PLPPR5: variants seen among roughly 807,000 people sequenced by gnomAD.
PLPPR5 encodes the protein phospholipid phosphatase related 5.
In PLPPR5, 16 loss-of-function variants were observed where a neutral mutation model predicts 33.9. That is an observed-to-expected ratio of 0.47 (90% confidence interval 0.32 to 0.72). The LOEUF is 0.72. Among genes scored for constraint, PLPPR5 ranks in the 30% least tolerant of loss-of-function variants. The pLI, the probability that PLPPR5 is intolerant of heterozygous loss-of-function variation, is 0.03. For synonymous variants in PLPPR5, 163 were observed against 150.3 expected, an observed-to-expected ratio of 1.08 and a Z score of -0.62; for missense variants, 301 against 406.7, an observed-to-expected ratio of 0.74 and a Z score of 2.23.
chr1:98,997,187 G>A (rs1377903635), intron 1 of PLPPR5, among the ~76,000 whole-genome samples: 1 of 152,146 alleles, frequency 6.6e-6, no homozygotes, highest in African/African-American at 2.4e-5. Context: ...CTTAGTGCAT[G>A]TAAACATTTA....
chr1:98,920,593 C>CAAAAAAAAAAAAACAAAAAAAAAAA (rs1649512294), intron 4 of PLPPR5, among the ~76,000 whole-genome samples: 1 of 69,014 alleles, frequency 1.4e-5, no homozygotes, highest in Non-Finnish European at 3.0e-5. Flanking sequence ...GTGGTATCAC[C>CAAAAAAAAAAAAACAAAAAAAAAAA]AAAAAAAAAA....
intron 3 of PLPPR5, among the ~76,000 whole-genome samples, chr1:98,931,586 C>T (rs1051055950): frequency 1.3e-5 from 2 of 151,990 alleles, no homozygotes; most frequent in South Asian, 2.1e-4. Context: ...GGGAGGAAGG[C>T]GGGGCTGGAG....
Position 98,956,702 on chromosome 1 carries a change from C to G in PLPPR5, c.277G>C (p.Ala93Pro). The change falls in exon 2 of 6, where the codon GCC becomes CCC. Residue 93 changes from alanine (A) to proline (P), a missense_variant. By Grantham distance (27) the Ala-to-Pro change is conservative (BLOSUM62 -1). Coordinates refer to ENST00000263177, the MANE Select transcript of PLPPR5 (RefSeq NM_001037317.2). ...TCCTGGTTTTCAAAATCCCTTGTGG[C>G]TAGTTGTAGGCAAAAGACAGCAGTT... ...GETAVFCLQL[A>P]TRDFENQEKT... 6.3e-7 allele frequency: 1 copy of G among 1,593,920 alleles called. No individual in the cohort carries two copies.
chr1:98,948,992 G>A (rs1463860756), intron 3 of PLPPR5, among the ~76,000 whole-genome samples: 4 of 152,104 alleles, frequency 2.6e-5, no homozygotes, highest in East Asian at 1.9e-4. Context: ...GAAGTGACCC[G>A]AGGAGGTCAT....
intron 3 of PLPPR5, among the ~76,000 whole-genome samples, chr1:98,927,676 T>G (rs1040360209): frequency 1.4e-4 from 22 of 152,196 alleles, no homozygotes; most frequent in African/African-American, 4.6e-4. Flanking sequence ...CTTTCTGTTA[T>G]CTCCACAACC....
intron 3 of PLPPR5, among the ~76,000 whole-genome samples, chr1:98,934,749 C>T (rs993344696): frequency 3.3e-5 from 5 of 152,108 alleles, no homozygotes; most frequent in Non-Finnish European, 7.4e-5. Context: ...AAGACTCTTT[C>T]CCTCAAGCAA....
intron 3 of PLPPR5, among the ~76,000 whole-genome samples, chr1:98,945,620 A>G (rs1390852704): frequency 2.0e-5 from 3 of 152,182 alleles, no homozygotes; most frequent in Non-Finnish European, 2.9e-5. Flanking sequence ...CATAGTCTCA[A>G]TTTTGTTACC....
chr1:98,899,818 C>A (rs1570679515), intron 5 of PLPPR5, among the ~76,000 whole-genome samples: 1 of 152,002 alleles, frequency 6.6e-6, no homozygotes, highest in East Asian at 1.9e-4. Flanking sequence ...ACCACCACAC[C>A]CAGCTAATTG....
At chr1:98,925,197 C>T (rs1435102005) in intron 3 of PLPPR5, among the ~76,000 whole-genome samples, 2 of 152,150 alleles carry the variant, frequency 1.3e-5, no homozygotes, top group Non-Finnish European at 2.9e-5. Flanking sequence ...TATTTATGCT[C>T]TCTTGGTTTT....
In PLPPR5 at chr1:98,998,526, G is replaced by C. The variant is rs538967934; in HGVS notation, c.237+5909C>G. Among the ~76,000 whole-genome samples the C allele has an allele frequency of 2.8e-4, 43 of 152,232 alleles. 1 individual carries two copies. The highest frequency in any genetic ancestry group is 5.0e-4 in the Non-Finnish European group (34 of 68,020). The stretch of plus-strand genomic sequence containing the variant: ...GAAATCATCATCTACGATAGAACAC[G>C]AAGTTTTCCATCGAAGCAGGAACAT... On this transcript the variant is annotated intron_variant, in intron 1 of 5. Coordinates refer to ENST00000263177, the MANE Select transcript of PLPPR5 (RefSeq NM_001037317.2).
chr1:98,985,389 G>A (rs1486246519), intron 1 of PLPPR5, among the ~76,000 whole-genome samples: 3 of 152,014 alleles, frequency 2.0e-5, no homozygotes, highest in Non-Finnish European at 4.4e-5. Flanking sequence ...ACAGATGACT[G>A]CGGTTTCAAA....
At chr1:98,914,394 G>A (rs2101152012) in intron 5 of PLPPR5, among the ~76,000 whole-genome samples, 1 of 152,008 alleles carries the variant, frequency 6.6e-6, no homozygotes, top group East Asian at 1.9e-4. Context: ...AAGTGATTCT[G>A]GTGCCTCAGC....
At chr1:98,964,402 T>C (rs556940534) in intron 1 of PLPPR5, among the ~76,000 whole-genome samples, 1 of 152,082 alleles carries the variant, frequency 6.6e-6, no homozygotes, top group Admixed American at 6.6e-5. Context: ...GTGGGAAGGA[T>C]CAACGGGCCT....
At position 98,997,783 on chromosome 1, in the gene PLPPR5, T is replaced by C. The variant is rs563790074; in HGVS notation, c.237+6652A>G. 1.5e-4 allele frequency among the ~76,000 whole-genome samples: 23 copies of C among 152,348 alleles called. No individual in the cohort carries two copies. The South Asian group carries it at 4.6e-3, about 30-fold the overall frequency. ...CATAACCCATGTAACCTGCTCACAT[T>C]ATATTTTCCTTATATGTATGAAGTG... On this transcript the variant is annotated intron_variant, in intron 1 of 5. Coordinates refer to ENST00000263177, the MANE Select transcript of PLPPR5 (RefSeq NM_001037317.2).
intron 1 of PLPPR5, among the ~76,000 whole-genome samples, chr1:98,995,534 A>G (rs1403957095): frequency 6.6e-6 from 1 of 152,126 alleles, no homozygotes; most frequent in Non-Finnish European, 1.5e-5. Flanking sequence ...CCACTCTTGA[A>G]TGAGTAGGGT....
At chr1:98,993,474 A>G (rs934081363) in intron 1 of PLPPR5, among the ~76,000 whole-genome samples, 3 of 152,118 alleles carry the variant, frequency 2.0e-5, no homozygotes, top group African/African-American at 7.2e-5. Flanking sequence ...GTGAAAGACC[A>G]AAAAGATTGT....
In PLPPR5 at chr1:98,922,030, T is replaced by A; in HGVS notation, c.650A>T (p.Lys217Met). 1.2e-6 allele frequency: 2 copies of A among 1,613,422 alleles called. No homozygotes were observed. The highest frequency in any genetic ancestry group is 1.7e-6 in the Non-Finnish European group (2 of 1,179,854). Reference sequence around the variant, plus strand: ...AACTGGCTTAGCAAGTCTGGTTCCCTTGGCTTTGATTGTGTTGGTGATGTA... The same window carrying A: ...AACTGGCTTAGCAAGTCTGGTTCCCATGGCTTTGATTGTGTTGGTGATGTA... ...TMYITNTIKA[K>M]GTRLAKPVLC... The change falls in exon 4 of 6, where the codon AAG (lysine) becomes ATG (methionine). Residue 217 changes from lysine (K) to methionine (M), a missense_variant. Physicochemically the swap from Lys to Met is moderately conservative, Grantham distance 95 (BLOSUM62 -1). Coordinates refer to ENST00000263177, the MANE Select transcript of PLPPR5 (RefSeq NM_001037317.2).
chr1:98,942,238 A>G (rs1290466377), intron 3 of PLPPR5, among the ~76,000 whole-genome samples: 1 of 152,064 alleles, frequency 6.6e-6, no homozygotes, highest in East Asian at 1.9e-4. Context: ...CCTGGTTAAT[A>G]TTTTTTTGTA....
At chr1:98,921,819 T>C in intron 4 of PLPPR5, 63 bp downstream of exon 4, 1 of 1,339,304 alleles carries the variant, frequency 7.5e-7, no homozygotes, top group Non-Finnish European at 1.0e-6. Context: ...CACTTGTATT[T>C]TCTCATGGTG....
Sources: gnomAD v4.1 joint callset for allele counts (sites outside exome capture counted in the v4.1 genomes callset) on GRCh38, gnomAD v4.1.1 for gene constraint, MANE v1.5 for transcripts, NCBI Gene and HGNC (gene_info 2026-07-23, HGNC 2026-07-21) for gene names.